The following KDM4C variants were observed in gnomAD, a reference collection of about 807,000 sequenced individuals.
KDM4C encodes the protein lysine-specific demethylase 4C.
KDM4C carries 81 observed loss-of-function variants against 129.3 expected under a neutral mutation model. That is an observed-to-expected ratio of 0.63 (90% CI 0.52 to 0.75). The LOEUF (loss-of-function observed/expected upper bound fraction) is 0.75, where lower values mean the gene tolerates loss of function less well. Among genes scored for constraint, KDM4C ranks in the 30% least tolerant of loss-of-function variants. The pLI, the probability that KDM4C is intolerant of heterozygous loss-of-function variation, is 0.00. For missense variants in KDM4C, 1,457 were observed against 1,304.0 expected, an observed-to-expected ratio of 1.12 and a Z score of -1.81; for synonymous variants, 573 against 456.1, an observed-to-expected ratio of 1.26 and a Z score of -3.26.
chr9:7,134,937 A>G (rs1315648417), intron 19 of KDM4C, among the ~76,000 whole-genome samples: 1 of 152,216 alleles, frequency 6.6e-6, no homozygotes. Flanking sequence ...AGTTTCGTGA[A>G]CTGTCTCTGA....
chr9:6,895,640 G>A (rs1455371173), intron 8 of KDM4C, among the ~76,000 whole-genome samples: 1 of 152,130 alleles, frequency 6.6e-6, no homozygotes, highest in African/African-American at 2.4e-5. Context: ...AGTAGCTCAT[G>A]CCTATAACTA....
At chr9:7,076,160 T>C (rs930669066) in intron 17 of KDM4C, among the ~76,000 whole-genome samples, 4 of 151,912 alleles carry the variant, frequency 2.6e-5, no homozygotes, top group African/African-American at 9.7e-5. Flanking sequence ...CCTACTGTAA[T>C]AAACCAACAG....
chr9:6,877,286 C>T (rs1038533601), intron 5 of KDM4C, among the ~76,000 whole-genome samples: 1 of 152,192 alleles, frequency 6.6e-6, no homozygotes. Context: ...CTGCAAGCTC[C>T]ACCTCCTGGC....
At chr9:7,034,145 A>G (rs1375370951) in intron 15 of KDM4C, among the ~76,000 whole-genome samples, 1 of 152,126 alleles carries the variant, frequency 6.6e-6, no homozygotes, top group Admixed American at 6.5e-5. Flanking sequence ...CAGTACATAC[A>G]ATGTATAGTG....
At chr9:6,849,152 G>T (rs1176294204) in intron 4 of KDM4C, among the ~76,000 whole-genome samples, 1 of 152,184 alleles carries the variant, frequency 6.6e-6, no homozygotes, top group Non-Finnish European at 1.5e-5. Context: ...AAAAAGGTGT[G>T]CCAAGGAGGG....
intron 17 of KDM4C, among the ~76,000 whole-genome samples, chr9:7,090,082 G>C (rs562980361): frequency 1.3e-5 from 2 of 152,312 alleles, no homozygotes; most frequent in East Asian, 1.9e-4. Context: ...AGCCCTTCCA[G>C]CTCCCTCATT....
chr9:7,091,008 C>A (rs1835731160), intron 17 of KDM4C, among the ~76,000 whole-genome samples: 1 of 152,144 alleles, frequency 6.6e-6, no homozygotes, highest in African/African-American at 2.4e-5. Flanking sequence ...ATTTTATGGG[C>A]AGGTGGGCCA....
chr9:6,788,839 G>T (rs1035327541), intron 1 of KDM4C, among the ~76,000 whole-genome samples: 10 of 152,176 alleles, frequency 6.6e-5, no homozygotes, highest in Non-Finnish European at 1.5e-4. Context: ...CAGAGGATTA[G>T]GAATCTCAGG....
intron 8 of KDM4C, among the ~76,000 whole-genome samples, chr9:6,955,576 A>T (rs1828916795): frequency 6.6e-6 from 1 of 152,200 alleles, no homozygotes; most frequent in East Asian, 1.9e-4. Context: ...TTATCGAAGT[A>T]TGACTCTAGA....
chr9:7,122,407 G>A lies in KDM4C; in HGVS notation c.2611-5659G>A, dbSNP rs1411133450. Among the ~76,000 whole-genome samples, 4 of 152,074 alleles carry A rather than the reference G, an allele frequency of 2.6e-5. No individual in the cohort carries two copies. In the East Asian group the frequency reaches 7.7e-4, roughly 29 times the overall value. ...ACCAGGCCCCACCTCCAATATTGGGGATTCCAATTCAACATGAGCTTTGGG... is the reference window on the plus strand; with the variant it reads ...ACCAGGCCCCACCTCCAATATTGGGAATTCCAATTCAACATGAGCTTTGGG... On this transcript the variant is annotated intron_variant, in intron 18 of 21. Coordinates refer to ENST00000381309, the MANE Select transcript of KDM4C (RefSeq NM_015061.6).
In KDM4C at chr9:6,790,365, C is replaced by T. The variant is rs767183893; in HGVS notation, c.-17-2607C>T. Among the ~76,000 whole-genome samples the T allele has an allele frequency of 2.0e-5, 3 of 151,420 alleles. No homozygotes were observed. The East Asian group carries it at 5.9e-4, about 30-fold the overall frequency. ...ATTCATGCCATTCTCCTGCCTCAGC[C>T]TCCTGAGTAACTTGGACTACAGGTG... On this transcript the variant is annotated intron_variant, in intron 1 of 21. Transcript: ENST00000381309.
At chr9:7,093,070 G>A (rs888733230) in intron 17 of KDM4C, among the ~76,000 whole-genome samples, 3 of 152,078 alleles carry the variant, frequency 2.0e-5, no homozygotes, top group Non-Finnish European at 2.9e-5. Flanking sequence ...ATATCTGTTT[G>A]GAGTCAGTCA....
chr9:6,720,996 A>C, exon 1 of KDM4C: 2 of 1,551,020 alleles, frequency 1.3e-6, no homozygotes, highest in Non-Finnish European at 1.7e-6. Context: ...AAGCAGCTGC[A>C]GGTGAGTGCT....
chr9:7,065,821 C>T (rs920926578), intron 17 of KDM4C, among the ~76,000 whole-genome samples: 7 of 151,892 alleles, frequency 4.6e-5, no homozygotes, highest in African/African-American at 1.7e-4. Flanking sequence ...ATTGTTGACC[C>T]ATATTTAATT....
intron 18 of KDM4C, among the ~76,000 whole-genome samples, chr9:7,119,992 A>G (rs1423038405): frequency 6.6e-6 from 1 of 152,156 alleles, no homozygotes; most frequent in Non-Finnish European, 1.5e-5. Flanking sequence ...CTTAGCACCT[A>G]GGAATGTGCC....
intron 12 of KDM4C, among the ~76,000 whole-genome samples, chr9:7,009,524 A>G (rs1236614576): frequency 6.6e-6 from 1 of 152,094 alleles, no homozygotes; most frequent in Non-Finnish European, 1.5e-5. Context: ...ATTAAGAGAA[A>G]CTGCCTTTTT....
intron 8 of KDM4C, chr9:6,941,828 G>T (rs1442625525): frequency 2.0e-5 from 3 of 151,376 alleles, no homozygotes; most frequent in Non-Finnish European, 4.4e-5. Context: ...GTGAGCAAGT[G>T]TGTGTGTATG....
chr9:7,117,778 C>G (rs1055464195), intron 18 of KDM4C, among the ~76,000 whole-genome samples: 1 of 152,084 alleles, frequency 6.6e-6, no homozygotes, highest in African/African-American at 2.4e-5. Flanking sequence ...GGCAGAGCTT[C>G]TAGGGTCTAG....
At chr9:7,131,966 C>T (rs751620111) in intron 19 of KDM4C, among the ~76,000 whole-genome samples, 3 of 152,184 alleles carry the variant, frequency 2.0e-5, no homozygotes, top group Non-Finnish European at 2.9e-5. Context: ...ACACAATGTG[C>T]ATATCAGATG....
Sources: gnomAD v4.1 joint callset for allele counts (sites outside exome capture counted in the v4.1 genomes callset) on GRCh38, gnomAD v4.1.1 for gene constraint, MANE v1.5 for transcripts, NCBI Gene and HGNC (gene_info 2026-07-23, HGNC 2026-07-21) for gene names.